Variants in RPL22 observed in about 807,000 individuals in gnomAD.
RPL22 encodes the protein large ribosomal subunit protein eL22.
Under a neutral mutation model 16.2 loss-of-function variants are expected in RPL22, and 4 were observed. The ratio of observed to expected loss-of-function variants is 0.25; its 90% CI spans 0.12 to 0.57. RPL22 has a LOEUF of 0.57. RPL22 is among the 20% of genes least tolerant of loss of function. RPL22 has a pLI of 0.92. For missense variants in RPL22, 83 were observed against 156.1 expected, an observed-to-expected ratio of 0.53 and a Z score of 2.49; for synonymous variants, 43 against 54.8, an observed-to-expected ratio of 0.78 and a Z score of 0.95.
At position 6,188,879 on chromosome 1, in the gene RPL22, G is replaced by A. The variant is rs1035450821; in HGVS notation, c.243-2063C>T. ...CGGCTCACCTCAACCTCCGTCTCCCGGGTTCAAGCAATTCTCCTGCCTCAG... is the reference window on the plus strand; with the variant it reads ...CGGCTCACCTCAACCTCCGTCTCCCAGGTTCAAGCAATTCTCCTGCCTCAG... On this transcript the variant is annotated intron_variant, in intron 3 of 3. Coordinates refer to ENST00000234875, the MANE Select transcript of RPL22 (RefSeq NM_000983.4). Among the ~76,000 whole-genome samples the A allele has an allele frequency of 2.0e-5, 3 of 151,134 alleles. No homozygotes were observed. The South Asian group carries it at 6.2e-4, about 31-fold the overall frequency.
intron 3 of RPL22, among the ~76,000 whole-genome samples, chr1:6,191,687 A>G (rs575710961): frequency 2.0e-5 from 3 of 148,376 alleles, no homozygotes; most frequent in Non-Finnish European, 4.5e-5. Context: ...AAAAAAAAAA[A>G]AAAGAAATAC....
At chr1:6,198,257 C>T (rs1384151479) in intron 1 of RPL22, 1 of 155,264 alleles carries the variant, frequency 6.4e-6, no homozygotes, top group African/African-American at 2.4e-5. Context: ...CTCCCTTAAT[C>T]CTGTCTCATC....
In RPL22 at chr1:6,199,552, C is replaced by G; in HGVS notation, c.12+10G>C. 5 of 1,562,924 alleles carry G rather than the reference C, an allele frequency of 3.2e-6. No individual in the cohort carries two copies. Among genetic ancestry groups the G allele is most frequent in the Non-Finnish European group, 4.3e-6 (5 of 1,153,814 alleles). ...CCTGGAGCCGAGGCCTCACGCGGAG[C>G]CATACTAACCACAGGAGCCATGGCG... On this transcript the variant is annotated intron_variant, in intron 1 of 3. Transcript: ENST00000234875.
chr1:6,185,853 G>T lies in RPL22; in HGVS notation c.*819C>A, dbSNP rs1176192306. ...ACCTCCCACCTCCTTGGCATGGGAGGCTTCCCAGTCACTCCTCCTTCGTGT... is the reference window on the plus strand; with the variant it reads ...ACCTCCCACCTCCTTGGCATGGGAGTCTTCCCAGTCACTCCTCCTTCGTGT... On this transcript the variant is annotated 3_prime_UTR_variant, in exon 4 of 4. Coordinates refer to ENST00000234875, the MANE Select transcript of RPL22 (RefSeq NM_000983.4). 4.3e-6 allele frequency: 1 copy of T among 230,710 alleles called. No homozygotes were observed. Among genetic ancestry groups the T allele is most frequent in the African/African-American group, 2.2e-5 (1 of 45,182 alleles). 14.3% of individuals were successfully genotyped at this position (230,710 alleles called of 1,614,324 possible). A position where few individuals can be genotyped will look rare whatever the true frequency, so the allele number is the denominator to read the frequency against.
intron 1 of RPL22, chr1:6,199,300 G>A (rs1667763806): frequency 3.2e-6 from 3 of 933,684 alleles, no homozygotes; most frequent in African/African-American, 3.5e-5. Flanking sequence ...CAGTCTCCAG[G>A]CTCCAGCTCC....
intron 3 of RPL22, among the ~76,000 whole-genome samples, chr1:6,192,081 A>T (rs1247034036): frequency 1.3e-5 from 2 of 150,866 alleles, no homozygotes; most frequent in South Asian, 2.1e-4. Flanking sequence ...ATAGGGTCTC[A>T]CTGTGTCACC....
chr1:6,194,546 T>C (rs1244393582), intron 2 of RPL22, among the ~76,000 whole-genome samples: 2 of 152,202 alleles, frequency 1.3e-5, no homozygotes, highest in Non-Finnish European at 2.9e-5. Context: ...TGAAGTCCCT[T>C]TCAGCTCAAA....
intron 3 of RPL22, among the ~76,000 whole-genome samples, chr1:6,187,593 G>A (rs1246960279): frequency 4.8e-5 from 6 of 124,912 alleles, no homozygotes; most frequent in East Asian, 4.5e-4. Flanking sequence ...CAGCCTGGGC[G>A]ACAGAGCAAG....
intron 3 of RPL22, among the ~76,000 whole-genome samples, chr1:6,191,511 CAAAAAAAA>C (rs1203497554): frequency 2.7e-5 from 3 of 109,994 alleles, no homozygotes; most frequent in Non-Finnish European, 5.7e-5. Context: ...ACTAAAAATA[CAAAAAAAA>C]AAAAAATTAG....
chr1:6,198,591 A>G (rs1188919016), intron 1 of RPL22: 3 of 152,232 alleles, frequency 2.0e-5, no homozygotes, highest in Non-Finnish European at 2.9e-5. Context: ...TTTTCCAAAA[A>G]CACATCTTAC....
rs761246474 is a variant in RPL22, at chr1:6,186,648, C to A, written c.*24G>T. ...CCCAAGTTTTATTCAAGAACTCATA[C>A]AAAATTTTCCAGATAAATGAAATTT... On this transcript the variant is annotated 3_prime_UTR_variant, in exon 4 of 4. Coordinates refer to ENST00000234875, the MANE Select transcript of RPL22 (RefSeq NM_000983.4). 1.8e-5 allele frequency: 26 copies of A among 1,470,248 alleles called. No homozygotes were observed. Among genetic ancestry groups the A allele is most frequent in the African/African-American group, 2.9e-5 (2 of 68,294 alleles). The allele number at this position is 1,470,248 out of a possible 1,614,324, so 91.1% of individuals were successfully genotyped here. A position where few individuals can be genotyped will look rare whatever the true frequency, so the allele number is the denominator to read the frequency against.
intron 3 of RPL22, among the ~76,000 whole-genome samples, 156 bp downstream of exon 3, chr1:6,192,774 A>G (rs1412710392): frequency 6.6e-6 from 1 of 152,248 alleles, no homozygotes; most frequent in Non-Finnish European, 1.5e-5. Context: ...GTTAACAACC[A>G]TAATAGCATT....
intron 2 of RPL22, among the ~76,000 whole-genome samples, chr1:6,196,155 G>A (rs1016481334): frequency 6.6e-6 from 1 of 152,204 alleles, no homozygotes; most frequent in African/African-American, 2.4e-5. Context: ...CTTGAATTCT[G>A]CATCTCAAGA....
At position 6,196,920 on chromosome 1, in the gene RPL22, G is replaced by C. The variant is rs188435409; in HGVS notation, c.117+732C>G. 3.3e-3 allele frequency among the ~76,000 whole-genome samples: 509 copies of C among 152,356 alleles called. 6 individuals carry two copies. The highest frequency in any genetic ancestry group is 0.021 in the Middle Eastern group (6 of 292). On this transcript the variant is annotated intron_variant, in intron 2 of 3. Transcript: ENST00000234875. ...CTCCACATCAAAGCAGTGAGACCCA[G>C]GACAGAGGCAGCCCATAGTCAGGAT...
At chr1:6,191,042 G>A (rs1281909313) in intron 3 of RPL22, among the ~76,000 whole-genome samples, 1 of 152,066 alleles carries the variant, frequency 6.6e-6, no homozygotes, top group Non-Finnish European at 1.5e-5. Context: ...TGGCCAACAC[G>A]GCGAAACCCC....
At chr1:6,199,489 T>C in intron 1 of RPL22, 73 bp downstream of exon 1, 3 of 1,539,610 alleles carry the variant, frequency 1.9e-6, no homozygotes, top group Non-Finnish European at 1.8e-6. Flanking sequence ...CCAGCGAGCC[T>C]GGGTAGATGC....
intron 1 of RPL22, chr1:6,199,306 G>A (rs1039475678): frequency 2.0e-6 from 2 of 1,002,154 alleles, no homozygotes; most frequent in African/African-American, 3.4e-5. Flanking sequence ...CCAGGCTCCA[G>A]CTCCCCGCTA....
At chr1:6,189,437 C>T (rs942837504) in intron 3 of RPL22, among the ~76,000 whole-genome samples, 3 of 151,956 alleles carry the variant, frequency 2.0e-5, no homozygotes, top group African/African-American at 4.8e-5. Flanking sequence ...GTGGGGCACT[C>T]GTGTAGTCCC....
chr1:6,192,458 G>A (rs1427315029), intron 3 of RPL22, among the ~76,000 whole-genome samples: 1 of 152,218 alleles, frequency 6.6e-6, no homozygotes, highest in South Asian at 2.1e-4. Flanking sequence ...AGCACTTTGG[G>A]AAGCCAAGGC....
Sources: allele counts gnomAD v4.1 joint callset (sites outside exome capture counted in the v4.1 genomes callset), GRCh38; gene constraint gnomAD v4.1.1; transcripts MANE v1.5; gene names NCBI Gene and HGNC (gene_info 2026-07-23, HGNC 2026-07-21).